Variants in METTL8 observed in about 807,000 individuals in gnomAD.
METTL8 encodes the protein tRNA N(3)-cytidine methyltransferase METTL8, mitochondrial.
A neutral mutation model predicts 48.7 loss-of-function variants in METTL8; 32 were observed. The ratio of observed to expected loss-of-function variants is 0.66; its 90% CI spans 0.50 to 0.88. The LOEUF is 0.88. METTL8 is among the 40% of genes least tolerant of loss of function. The pLI is 0.00. For missense variants in METTL8, 464 were observed against 474.4 expected (o/e 0.98, Z 0.20); for synonymous variants, 136 against 157.1 (o/e 0.87, Z 1.01).
At chr2:171,388,958 T>G (rs1464600655) in intron 2 of METTL8, among the ~76,000 whole-genome samples, 1 of 152,242 alleles carries the variant, frequency 6.6e-6, no homozygotes, top group East Asian at 1.9e-4. Flanking sequence ...TCCACTGACC[T>G]GGCTTTCCCT....
intron 3 of METTL8, among the ~76,000 whole-genome samples, chr2:171,354,743 G>C (rs1410211296): frequency 2.6e-5 from 4 of 152,044 alleles, no homozygotes; most frequent in African/African-American, 4.8e-5. Context: ...TCTTCCACTT[G>C]ATCAAATCGG....
intron 1 of METTL8, among the ~76,000 whole-genome samples, chr2:171,413,321 A>G (rs1318707913): frequency 6.6e-6 from 1 of 152,202 alleles, no homozygotes; most frequent in Non-Finnish European, 1.5e-5. Context: ...TCTGTGTGAG[A>G]TCAGATTTCT....
intron 3 of METTL8, among the ~76,000 whole-genome samples, chr2:171,349,501 T>G (rs1442131608): frequency 1.3e-5 from 2 of 152,334 alleles, no homozygotes; most frequent in African/African-American, 2.4e-5. Context: ...ATTTCTTTCC[T>G]TTTTAAGCCA....
intron 1 of METTL8, among the ~76,000 whole-genome samples, chr2:171,410,384 C>T (rs1283674627): frequency 6.6e-6 from 1 of 152,192 alleles, no homozygotes; most frequent in East Asian, 1.9e-4. Context: ...CTGCCTGGGG[C>T]AACTCGAATC....
chr2:171,344,889 T>G (rs765236109), intron 3 of METTL8, among the ~76,000 whole-genome samples: 10 of 152,212 alleles, frequency 6.6e-5, no homozygotes, highest in Non-Finnish European at 1.3e-4. Context: ...AGAGTATCTG[T>G]GTTAACAGGG....
chr2:171,352,965 T>C (rs1320521327), intron 3 of METTL8, among the ~76,000 whole-genome samples: 1 of 152,234 alleles, frequency 6.6e-6, no homozygotes, highest in African/African-American at 2.4e-5. Flanking sequence ...TGTCTCTATC[T>C]CCTTCAGTTC....
In METTL8 at chr2:171,388,304, A is replaced by G. The variant is rs148491207; in HGVS notation, c.143+3739T>C. On this transcript the variant is annotated intron_variant, in intron 2 of 9. Transcript: ENST00000375258. The stretch of plus-strand genomic sequence containing the variant: ...CAAATATATACACTTAATACACTAA[A>G]TATAATGTCATTTATTTATCTTCAG... Among the ~76,000 whole-genome samples the G allele has an allele frequency of 1.4e-3, 214 of 152,288 alleles. 4 individuals carry two copies. In the East Asian group the frequency reaches 0.015, roughly 11 times the overall value.
intron 1 of METTL8, among the ~76,000 whole-genome samples, chr2:171,406,598 G>C (rs938877482): frequency 3.3e-5 from 5 of 152,128 alleles, no homozygotes; most frequent in Non-Finnish European, 7.4e-5. Context: ...TTGAATTAGG[G>C]CCTCACTCCT....
intron 2 of METTL8, among the ~76,000 whole-genome samples, chr2:171,361,017 T>A (rs1685109402): frequency 6.6e-6 from 1 of 152,228 alleles, no homozygotes; most frequent in Non-Finnish European, 1.5e-5. Context: ...TTAGCTACTT[T>A]AATTTCTGTA....
At chr2:171,383,899 G>A (rs1351164777) in intron 2 of METTL8, among the ~76,000 whole-genome samples, 2 of 152,128 alleles carry the variant, frequency 1.3e-5, no homozygotes, top group Non-Finnish European at 2.9e-5. Context: ...CTTAAACACA[G>A]AATTACCACA....
rs1203779342 is a variant in METTL8, at chr2:171,323,793, T to C, written c.*379A>G. On this transcript the variant is annotated 3_prime_UTR_variant, in exon 10 of 10. Coordinates refer to ENST00000375258, the MANE Select transcript of METTL8 (RefSeq NM_001321154.2). ...ACAATGGGAAGAGTCTGACTGTGTT[T>C]GGGAACTGGTTTACTAAGCCTAAAC... 6.4e-6 allele frequency: 1 copy of C among 157,458 alleles called. No individual in the cohort carries two copies. The highest frequency in any genetic ancestry group is 1.4e-5 in the Non-Finnish European group (1 of 71,854). The allele number at this position is 157,458 out of a possible 1,614,324, so 9.8% of individuals were successfully genotyped here. A position where few individuals can be genotyped will look rare whatever the true frequency, so the allele number is the denominator to read the frequency against.
chr2:171,418,190 G>A (rs1691509788), intron 1 of METTL8, among the ~76,000 whole-genome samples: 3 of 152,096 alleles, frequency 2.0e-5, no homozygotes, highest in Non-Finnish European at 2.9e-5. Flanking sequence ...TGATCCACCC[G>A]TGTCAATCTC....
chr2:171,363,734 A>G lies in METTL8; in HGVS notation c.144-3221T>C, dbSNP rs1271210783. On this transcript the variant is annotated intron_variant, in intron 2 of 9. Coordinates refer to ENST00000375258, the MANE Select transcript of METTL8 (RefSeq NM_001321154.2). ...CATTAAGATAATAAATATGACTATTACATGACAATATGGAAAAGTATTTAT... is the reference window on the plus strand; with the variant it reads ...CATTAAGATAATAAATATGACTATTGCATGACAATATGGAAAAGTATTTAT... Among the ~76,000 whole-genome samples, 3 of 148,406 alleles carry G rather than the reference A, an allele frequency of 2.0e-5. No individual in the cohort carries two copies. In the East Asian group the frequency reaches 5.8e-4, roughly 29 times the overall value.
chr2:171,358,235 C>A (rs1684792368), intron 3 of METTL8, among the ~76,000 whole-genome samples: 1 of 151,626 alleles, frequency 6.6e-6, no homozygotes, highest in South Asian at 2.1e-4. Flanking sequence ...CCTGTAATCC[C>A]AGCTAATCAG....
At chr2:171,400,603 C>G (rs1366856736) in intron 1 of METTL8, among the ~76,000 whole-genome samples, 1 of 152,144 alleles carries the variant, frequency 6.6e-6, no homozygotes, top group Non-Finnish European at 1.5e-5. Context: ...CCATACATAA[C>G]AATATGTATA....
At chr2:171,397,368 A>AAC (rs1188348876) in intron 1 of METTL8, among the ~76,000 whole-genome samples, 1 of 146,848 alleles carries the variant, frequency 6.8e-6, no homozygotes, top group Non-Finnish European at 1.5e-5. Context: ...AAAAAAAAAA[A>AAC]AAAAAAAAAA....
Position 171,431,691 on chromosome 2 carries a change from G to T in METTL8, c.-13+2192C>A, listed in dbSNP as rs10204895. On this transcript the variant is annotated intron_variant, in intron 1 of 9. Transcript: ENST00000375258. The stretch of plus-strand genomic sequence containing the variant: ...GGTAGCTCTCTGCCCCACCAGCAGC[G>T]CCTGGTAGCCACCCTATGCAACAAG... 6.3e-3 allele frequency among the ~76,000 whole-genome samples: 967 copies of T among 152,306 alleles called. 11 individuals are homozygous for T. Among genetic ancestry groups the T allele is most frequent in the African/African-American group, 0.022 (915 of 41,568 alleles).
intron 3 of METTL8, among the ~76,000 whole-genome samples, chr2:171,359,672 G>T (rs1684961905): frequency 6.6e-6 from 1 of 151,938 alleles, no homozygotes; most frequent in African/African-American, 2.4e-5. Flanking sequence ...GAGTACAGTG[G>T]TGTGATCTCG....
chr2:171,434,724 G>A (rs773066148), upstream of METTL8: 25 of 1,423,864 alleles, frequency 1.8e-5, no homozygotes, highest in South Asian at 3.6e-4. Context: ...GCCGGCCGGG[G>A]CGGGACGGAG....
Sources: allele counts gnomAD v4.1 joint callset (sites outside exome capture counted in the v4.1 genomes callset), GRCh38; gene constraint gnomAD v4.1.1; transcripts MANE v1.5; gene names NCBI Gene and HGNC (gene_info 2026-07-23, HGNC 2026-07-21).